CHEK2: variants seen among roughly 807,000 people sequenced by gnomAD.
CHEK2 encodes checkpoint kinase 2, also known as serine/threonine-protein kinase Chk2.
Under a neutral mutation model 69.1 loss-of-function variants are expected in CHEK2, and 71 were observed. The ratio of observed to expected loss-of-function variants is 1.03; its 90% CI spans 0.85 to 1.25. The LOEUF (loss-of-function observed/expected upper bound fraction) is 1.25. CHEK2 is among the 50% of genes most tolerant of loss of function. CHEK2 has a pLI of 0.00. For missense variants in CHEK2, 664 were observed against 649.6 expected (o/e 1.02, Z -0.24); for synonymous variants, 189 against 226.9 (o/e 0.83, Z 1.50).
chr22:28,706,488 G>A (rs1170835302), intron 7 of CHEK2, among the ~76,000 whole-genome samples: 1 of 152,142 alleles, frequency 6.6e-6, no homozygotes, highest in African/African-American at 2.4e-5. Context: ...CTGCTGCCCA[G>A]GCTGAAGTGC....
Position 28,704,372 on chromosome 22 carries a change from G to A in CHEK2, c.847-806C>T, listed in dbSNP as rs190995150. ...TTTTGAGACAGAGTCTCACTTTGTCGCTCAGGCTTAAGTGCAGTGGCATGA... is the reference window on the plus strand; with the variant it reads ...TTTTGAGACAGAGTCTCACTTTGTCACTCAGGCTTAAGTGCAGTGGCATGA... On this transcript the variant is annotated intron_variant, in intron 7 of 14. Transcript: ENST00000404276. 3.1e-3 allele frequency among the ~76,000 whole-genome samples: 456 copies of A among 148,962 alleles called. 3 individuals carry two copies. Among genetic ancestry groups the A allele is most frequent in the African/African-American group, 0.01 (417 of 40,276 alleles).
chr22:28,690,559 C>T (rs866895479), intron 13 of CHEK2, among the ~76,000 whole-genome samples: 16 of 148,344 alleles, frequency 1.1e-4, no homozygotes, highest in African/African-American at 3.7e-4. Flanking sequence ...ACTCAAGAGG[C>T]GGAGGTTGCA....
At chr22:28,704,103 CAGAG>C (rs1013849424) in intron 7 of CHEK2, among the ~76,000 whole-genome samples, 1 of 132,036 alleles carries the variant, frequency 7.6e-6, no homozygotes, top group African/African-American at 2.9e-5. Context: ...GGGTCGGGGG[CAGAG>C]AGAGAGACAG....
rs2145737342 is a variant in CHEK2, at chr22:28,687,923, G to A, written c.1606C>T (p.Pro536Ser). ...CACAACACAGCAGCACACACAGCTGGGCGCTTTGTGGTCTCGGCACCCTCG... is the reference window on the plus strand; with the variant it reads ...CACAACACAGCAGCACACACAGCTGAGCGCTTTGTGGTCTCGGCACCCTCG... ...EAEGAETTKR[P>S]AVCAAVL Residue 536 changes from proline (P) to serine (S), a missense_variant, in exon 15 of 15, where the codon CCA (proline) becomes TCA (serine). Physicochemically the swap from Pro to Ser is moderately conservative, Grantham distance 74. Coordinates refer to ENST00000404276, the MANE Select transcript of CHEK2 (RefSeq NM_007194.4). 2 of 1,596,354 alleles carry A rather than the reference G, an allele frequency of 1.3e-6. No individual in the cohort carries two copies. Among genetic ancestry groups the A allele is most frequent in the Non-Finnish European group, 1.7e-6 (2 of 1,179,710 alleles).
chr22:28,731,429 T>C (rs1251719257), intron 2 of CHEK2, among the ~76,000 whole-genome samples: 2 of 151,690 alleles, frequency 1.3e-5, no homozygotes, highest in Non-Finnish European at 2.9e-5. Context: ...TGACAACCCG[T>C]CCCTACTAAA....
rs369070738 is a variant in CHEK2, at chr22:28,695,755, T to C, written c.1214A>G (p.Asn405Ser). 20 of 1,613,720 alleles carry C rather than the reference T, an allele frequency of 1.2e-5. No individual in the cohort carries two copies. Among genetic ancestry groups the C allele is most frequent in the Non-Finnish European group, 1.5e-5 (18 of 1,179,760 alleles). The change falls in exon 11 of 15, where the codon AAC becomes AGC. Residue 405 changes from asparagine (N) to serine (S), a missense_variant. By Grantham distance (46) the Asn-to-Ser change is conservative. Coordinates refer to ENST00000404276, the MANE Select transcript of CHEK2 (RefSeq NM_007194.4). ...TAAACTCCAGCAGTCCACAGCACGG[T>C]TATACCCAGCAGTCCCAACAGAAAC... ...VLVSVGTAGYNRAVDCWSLGV... is the reference protein window; with the variant it reads ...VLVSVGTAGYSRAVDCWSLGV...
chr22:28,712,841 T>C (rs564327932), intron 5 of CHEK2, among the ~76,000 whole-genome samples: 1 of 152,320 alleles, frequency 6.6e-6, no homozygotes, highest in Non-Finnish European at 1.5e-5. Flanking sequence ...CTGTAATCAT[T>C]TTAAAGTGTA....
Position 28,695,997 on chromosome 22 carries a change from A to T in CHEK2, c.1096-124T>A. 3 of 738,208 alleles carry T rather than the reference A, an allele frequency of 4.1e-6. No homozygotes were observed. In the South Asian group the frequency reaches 4.9e-5, roughly 12 times the overall value. 45.7% of individuals were successfully genotyped at this position (738,208 alleles called of 1,614,324 possible). ...TTCTATTGTACAATTCACACCTGCC[A>T]TTAATCTGGAATTTACAGATTCATG... On this transcript the variant is annotated intron_variant, in intron 10 of 14. Transcript: ENST00000404276.
In CHEK2 at chr22:28,736,496, T is replaced by A. The variant is rs528436780; in HGVS notation, c.-6-1769A>T. On this transcript the variant is annotated intron_variant, in intron 1 of 14. Coordinates refer to ENST00000404276, the MANE Select transcript of CHEK2 (RefSeq NM_007194.4). ...CTTAACAACTCCACCTATCCCTTTG[T>A]GATGCTAAATAACCATAGGGCTTAT... Among the ~76,000 whole-genome samples the A allele has an allele frequency of 3.9e-5, 6 of 152,360 alleles. No individual in the cohort carries two copies. In the East Asian group the frequency reaches 9.6e-4, roughly 24 times the overall value.
intron 2 of CHEK2, 64 bp downstream of exon 2, chr22:28,734,339 T>G: frequency 6.6e-7 from 1 of 1,512,620 alleles, no homozygotes; most frequent in Non-Finnish European, 9.1e-7. Context: ...TTCCACCTGG[T>G]AATACAACTT....
intron 5 of CHEK2, among the ~76,000 whole-genome samples, chr22:28,717,692 T>C (rs1044554635): frequency 2.0e-5 from 3 of 151,906 alleles, no homozygotes; most frequent in Admixed American, 2.0e-4. Flanking sequence ...CAGGCCAACA[T>C]GGTGAAACCT....
In CHEK2 at chr22:28,725,098, A is replaced by G. The variant is rs374170772; in HGVS notation, c.471T>C (p.Ile157=). The G allele has an allele frequency of 1.1e-5, 18 of 1,614,162 alleles. No individual in the cohort carries two copies. Among genetic ancestry groups the G allele is most frequent in the Non-Finnish European group, 1.4e-5 (17 of 1,180,018 alleles). ...TGCCACTGTGATCTTCTATGTATGC[A>G]ATGTAAGAGTTTTTAGGACCCACTT... ...FREVGPKNSY[I]AYIEDHSGNG... The change falls in exon 4 of 15, where the codon ATT becomes ATC. Residue 157 remains isoleucine, a synonymous_variant. Transcript: ENST00000404276.
chr22:28,733,329 T>C (rs1302079314), intron 2 of CHEK2, among the ~76,000 whole-genome samples: 1 of 152,208 alleles, frequency 6.6e-6, no homozygotes, highest in Non-Finnish European at 1.5e-5. Context: ...TAGGGGATAA[T>C]GTTTGCAAGT....
At chr22:28,734,352 TGTAA>T in intron 2 of CHEK2, 47 bp downstream of exon 2, 2 of 1,572,840 alleles carry the variant, frequency 1.3e-6, no homozygotes, top group Non-Finnish European at 1.7e-6. Flanking sequence ...TACAACTTTC[TGTAA>T]GTGTTTTTCT....
chr22:28,734,661 G>T lies in CHEK2; in HGVS notation c.61C>A (p.Pro21Thr), dbSNP rs587782323. 4 of 1,613,846 alleles carry T rather than the reference G, an allele frequency of 2.5e-6. No individual in the cohort carries two copies. Among genetic ancestry groups the T allele is most frequent in the Non-Finnish European group, 3.4e-6 (4 of 1,179,998 alleles). ...TGGGACTGGGTAACGCTGCCATGGG[G>T]CTGTGAACAGGCACTGCTGCCATGA... ...QSHGSSACSQ[P>T]HGSVTQSQGS... The change falls in exon 2 of 15, where the codon CCC becomes ACC. Residue 21 changes from proline to threonine, a missense_variant. Pro to Thr is a conservative substitution (Grantham distance 38). Coordinates refer to ENST00000404276, the MANE Select transcript of CHEK2 (RefSeq NM_007194.4).
At chr22:28,688,873 T>C (rs1166778397) in intron 14 of CHEK2, among the ~76,000 whole-genome samples, 2 of 152,226 alleles carry the variant, frequency 1.3e-5, no homozygotes, top group Non-Finnish European at 2.9e-5. Flanking sequence ...ATAGAGTCTT[T>C]CGAAATTGCC....
intron 1 of CHEK2, among the ~76,000 whole-genome samples, chr22:28,736,779 C>T (rs928656921): frequency 7.3e-5 from 11 of 149,988 alleles, no homozygotes; most frequent in East Asian, 2.0e-4. Context: ...CCCCGCCCCC[C>T]GTACAAAAAA....
intron 2 of CHEK2, among the ~76,000 whole-genome samples, chr22:28,730,739 T>C (rs1435451634): frequency 6.6e-6 from 1 of 151,980 alleles, no homozygotes. Context: ...AAGCATGTAA[T>C]CCCAGCTACT....
intron 2 of CHEK2, among the ~76,000 whole-genome samples, chr22:28,730,074 A>G (rs1601839186): frequency 1.3e-5 from 2 of 149,946 alleles, no homozygotes; most frequent in Admixed American, 1.4e-4. Flanking sequence ...CGATCTCCTG[A>G]CCTTGTGATC....
Sources: gnomAD v4.1 joint callset for allele counts (sites outside exome capture counted in the v4.1 genomes callset) on GRCh38, gnomAD v4.1.1 for gene constraint, MANE v1.5 for transcripts, NCBI Gene and HGNC (gene_info 2026-07-23, HGNC 2026-07-21) for gene names.